The following FOXP2 variants were observed in gnomAD, a reference collection of about 807,000 sequenced individuals.
The protein encoded by FOXP2 is forkhead box protein P2.
A neutral mutation model predicts 115.8 loss-of-function variants in FOXP2; 12 were observed. The observed-to-expected ratio is 0.10, with a 90% CI of 0.07 to 0.17. The LOEUF is 0.17. FOXP2 is among the 10% of genes least tolerant of loss of function. FOXP2 has a pLI of 1.00. For missense variants in FOXP2, 629 were observed against 843.5 expected (o/e 0.75, Z 3.15); for synonymous variants, 328 against 297.7 (o/e 1.10, Z -1.05).
intron 1 of FOXP2, among the ~76,000 whole-genome samples, chr7:114,268,145 A>T (rs949554700): frequency 1.3e-5 from 2 of 152,196 alleles, no homozygotes; most frequent in East Asian, 3.8e-4. Context: ...AGTATATGTC[A>T]GAATTTCTTT....
At chr7:114,233,611 C>T (rs909158352) in intron 1 of FOXP2, among the ~76,000 whole-genome samples, 1 of 152,208 alleles carries the variant, frequency 6.6e-6, no homozygotes, top group South Asian at 2.1e-4. Context: ...TAATGTTATA[C>T]ATACAGTGCT....
chr7:114,563,989 A>G lies in FOXP2; in HGVS notation c.258+29283A>G, dbSNP rs573885600. On this transcript the variant is annotated intron_variant, in intron 3 of 16. Coordinates refer to ENST00000350908, the MANE Select transcript of FOXP2 (RefSeq NM_014491.4). ...TGGCACTTACCAGAAGTAACTGTCTAATGAATCTTTGGGAATCTTAGGCTG... is the reference window on the plus strand; with the variant it reads ...TGGCACTTACCAGAAGTAACTGTCTGATGAATCTTTGGGAATCTTAGGCTG... Among the ~76,000 whole-genome samples, 21 of 152,220 alleles carry G rather than the reference A, an allele frequency of 1.4e-4. No homozygotes were observed. The South Asian group carries it at 4.1e-3, about 30-fold the overall frequency.
intron 2 of FOXP2, among the ~76,000 whole-genome samples, chr7:114,382,342 T>G (rs1457883739): frequency 6.6e-6 from 1 of 152,232 alleles, no homozygotes; most frequent in Non-Finnish European, 1.5e-5. Flanking sequence ...TCAGTCCTGC[T>G]GCTGGATCAT....
intron 8 of FOXP2, chr7:114,645,787 A>G (rs916761914): frequency 2.6e-5 from 4 of 152,182 alleles, no homozygotes; most frequent in Non-Finnish European, 5.9e-5. Context: ...CACCTTAACA[A>G]CCAGGCACAA....
chr7:114,488,803 A>G (rs1796908481), intron 2 of FOXP2, among the ~76,000 whole-genome samples: 1 of 152,206 alleles, frequency 6.6e-6, no homozygotes, highest in Non-Finnish European at 1.5e-5. Context: ...CTGTGTGTTC[A>G]TTGAACCTTT....
intron 3 of FOXP2, among the ~76,000 whole-genome samples, chr7:114,589,084 G>C (rs1229758): frequency 4.0e-5 from 6 of 151,788 alleles, no homozygotes; most frequent in Admixed American, 3.9e-4. Context: ...AAAAATAATC[G>C]TCATCAGACT....
intron 1 of FOXP2, among the ~76,000 whole-genome samples, chr7:114,187,356 A>G (rs1003773856): frequency 6.6e-6 from 1 of 152,204 alleles, no homozygotes; most frequent in Non-Finnish European, 1.5e-5. Context: ...ATTGCTTTTA[A>G]GTTCTGCCCT....
intron 2 of FOXP2, among the ~76,000 whole-genome samples, chr7:114,530,247 T>C (rs894043225): frequency 6.6e-6 from 1 of 151,928 alleles, no homozygotes; most frequent in Non-Finnish European, 1.5e-5. Flanking sequence ...TCTATTTTCA[T>C]AAGAAGCCTA....
At chr7:114,688,765 C>A (rs946627216) in intron 16 of FOXP2, among the ~76,000 whole-genome samples, 3 of 152,098 alleles carry the variant, frequency 2.0e-5, no homozygotes, top group African/African-American at 7.2e-5. Context: ...CATTTATTGA[C>A]AGTTGGTAAA....
chr7:114,262,805 G>T (rs1795790640), intron 1 of FOXP2, among the ~76,000 whole-genome samples: 1 of 151,944 alleles, frequency 6.6e-6, no homozygotes, highest in African/African-American at 2.4e-5. Flanking sequence ...TTTAACTTGT[G>T]GTCTTCTTTC....
rs1214361075 is a variant in FOXP2, at chr7:114,465,322, C to G, written c.168+38643C>G. On this transcript the variant is annotated intron_variant, in intron 2 of 16. Coordinates refer to ENST00000350908, the MANE Select transcript of FOXP2 (RefSeq NM_014491.4). ...TATTTTATGAAAGAGAATAGAGACA[C>G]TACTCCCATTCTACTTTTTACTCAC... 1.3e-5 allele frequency among the ~76,000 whole-genome samples: 2 copies of G among 152,122 alleles called. 1 individual carries two copies. Among genetic ancestry groups the G allele is most frequent in the South Asian group, 4.1e-4 (2 of 4,832 alleles).
chr7:114,140,223 T>G (rs1792168399), intron 1 of FOXP2, among the ~76,000 whole-genome samples: 1 of 152,172 alleles, frequency 6.6e-6, no homozygotes, highest in African/African-American at 2.4e-5. Context: ...AGTTCTCAAC[T>G]TCTTCATTTT....
In FOXP2 at chr7:114,460,353, C is replaced by G. The variant is rs1281134217; in HGVS notation, c.168+33674C>G. Reference sequence around the variant, plus strand: ...TTGCTGTTTTCTAGAGCTTATAAAGCAATATAAAATATTAATCACCCAGTA... The same window carrying G: ...TTGCTGTTTTCTAGAGCTTATAAAGGAATATAAAATATTAATCACCCAGTA... On this transcript the variant is annotated intron_variant, in intron 2 of 16. Transcript: ENST00000350908. Among the ~76,000 whole-genome samples the G allele has an allele frequency of 2.6e-5, 4 of 152,116 alleles. No individual in the cohort carries two copies. In the South Asian group the frequency reaches 8.3e-4, roughly 32 times the overall value.
At chr7:114,654,457 A>G (rs1352056411) in intron 10 of FOXP2, among the ~76,000 whole-genome samples, 1 of 152,130 alleles carries the variant, frequency 6.6e-6, no homozygotes, top group Non-Finnish European at 1.5e-5. Context: ...AGGTCATGGT[A>G]TTTTTATAGC....
chr7:114,358,652 C>A (rs1174762548), intron 2 of FOXP2, among the ~76,000 whole-genome samples: 1 of 152,078 alleles, frequency 6.6e-6, no homozygotes, highest in Non-Finnish European at 1.5e-5. Flanking sequence ...AAAGGTGATT[C>A]TTGATATGCT....
chr7:114,483,333 T>C (rs1796636819), intron 2 of FOXP2, among the ~76,000 whole-genome samples: 1 of 151,614 alleles, frequency 6.6e-6, no homozygotes, highest in South Asian at 2.1e-4. Flanking sequence ...TTCCTACTCT[T>C]CAATCTTGCA....
intron 2 of FOXP2, among the ~76,000 whole-genome samples, chr7:114,323,589 G>A (rs1033155922): frequency 4.0e-5 from 6 of 151,868 alleles, no homozygotes; most frequent in Non-Finnish European, 7.4e-5. Flanking sequence ...TATTGGAAAA[G>A]GAGATACTTT....
intron 6 of FOXP2, among the ~76,000 whole-genome samples, chr7:114,641,098 A>G (rs941573776): frequency 6.6e-6 from 1 of 152,210 alleles, no homozygotes; most frequent in African/African-American, 2.4e-5. Context: ...CTGGATTTAA[A>G]TCACAACTTT....
intron 2 of FOXP2, among the ~76,000 whole-genome samples, chr7:114,442,783 A>G (rs778408295): frequency 3.9e-5 from 6 of 152,136 alleles, no homozygotes; most frequent in Non-Finnish European, 8.8e-5. Flanking sequence ...ATTTTATGGT[A>G]TGTAAGTTGT....
Sources: gnomAD v4.1 joint callset for allele counts (sites outside exome capture counted in the v4.1 genomes callset) on GRCh38, gnomAD v4.1.1 for gene constraint, MANE v1.5 for transcripts, NCBI Gene and HGNC (gene_info 2026-07-23, HGNC 2026-07-21) for gene names.